The following KIF7 variants were observed in gnomAD, a reference collection of about 807,000 sequenced individuals.
KIF7 encodes kinesin-like protein KIF7.
Under a neutral mutation model 135.7 loss-of-function variants are expected in KIF7, and 104 were observed. The ratio of observed to expected loss-of-function variants is 0.77; its 90% CI spans 0.65 to 0.90. The LOEUF is 0.90. Among genes scored for constraint, KIF7 ranks in the 40% least tolerant of loss-of-function variants. The pLI is 0.00. For missense variants in KIF7, 2,005 were observed against 1,839.1 expected (o/e 1.09, Z -1.65); for synonymous variants, 883 against 809.4 (o/e 1.09, Z -1.54).
At chr15:89,624,315 A>G, downstream of KIF7, 1 of 1,614,210 alleles carries the variant, frequency 6.2e-7, no homozygotes, top group South Asian at 1.1e-5. Flanking sequence ...GTCCTTCCCC[A>G]GGAGAACTGG....
chr15:89,646,120 T>C (rs1039495710), intron 7 of KIF7, 94 bp from the exon 8 acceptor site: 7 of 1,500,044 alleles, frequency 4.7e-6, no homozygotes, highest in Admixed American at 1.7e-5. Flanking sequence ...CCTCAAGCCC[T>C]GCCTTACCTT....
At chr15:89,660,498 T>C in the KIF7 span, among the ~76,000 whole-genome samples, 1 of 152,226 alleles carries the variant, frequency 6.6e-6, no homozygotes, top group Non-Finnish European at 1.5e-5. Context: ...AATATGGAGT[T>C]GATCGCTGGA....
intron 1 of KIF7, among the ~76,000 whole-genome samples, chr15:89,622,782 T>C (rs569654766): frequency 8.5e-5 from 13 of 152,276 alleles, no homozygotes; most frequent in African/African-American, 3.1e-4. Context: ...TTGCTAGTAT[T>C]GTTTTCTATG....
chr15:89,627,225 A>AT (rs1255823136), downstream of KIF7: 4 of 1,029,442 alleles, frequency 3.9e-6, no homozygotes, highest in Non-Finnish European at 5.6e-6. Flanking sequence ...GGGTTTTCTA[A>AT]TTCCCCTTAT....
At chr15:89,624,316 G>C (rs1405411371), downstream of KIF7, 8 of 1,614,162 alleles carry the variant, frequency 5.0e-6, no homozygotes, top group Non-Finnish European at 6.8e-6. Context: ...TCCTTCCCCA[G>C]GAGAACTGGA....
rs2141995283 is a variant in KIF7, at chr15:89,630,059, ACCC to A, written c.3318+225_3318+227del. 6 of 594,912 alleles carry A rather than the reference ACCC, an allele frequency of 1.0e-5. No individual in the cohort carries two copies. In the African/African-American group the frequency reaches 1.1e-4, roughly 11 times the overall value. The allele number at this position is 594,912 out of a possible 1,614,324, so 36.9% of individuals were successfully genotyped here. A position where few individuals can be genotyped will look rare whatever the true frequency, so the allele number is the denominator to read the frequency against. ...AGAGCTACTATTGTGGCCATGGACC[ACCC>A]TGAGGTTAGCCAATCAGAGCAGAAG... is the stretch of plus-strand genomic sequence containing the variant. On this transcript the variant is annotated intron_variant, in intron 16 of 18. Transcript: ENST00000394412.
rs756506659 is a variant in KIF7 at position 89,642,213 on chromosome 15, C to A, written c.2384G>T (p.Ser795Ile). The change falls in exon 11 of 19, where the codon AGC becomes ATC. Residue 795 changes from serine (S) to isoleucine (I), a missense_variant. Coordinates refer to ENST00000394412, the MANE Select transcript of KIF7 (RefSeq NM_198525.3). ...GGCCCCGAGACTAACCTGCACCTGG[C>A]TCTGGGCCGCAGCGACCCTCCTGCG... ...EFRRRVAAAQ[S>I]QVQVLKEKKQ... The A allele has an allele frequency of 9.3e-6, 15 of 1,610,402 alleles. No individual in the cohort carries two copies. Among genetic ancestry groups the A allele is most frequent in the Non-Finnish European group, 1.2e-5 (14 of 1,179,628 alleles).
rs1964075761 is a variant in KIF7 at position 89,649,031 on chromosome 15, A to C, written c.866T>G (p.Leu289Arg). ...GCTGCCCCGGCGCTGAGGGTCCCCC[A>C]GGGCGCTGATGACGTTGCCCAGCGC... ...LLALGNVISA[L>R]GDPQRRGSHI... The change falls in exon 4 of 19, where the codon CTG becomes CGG. Residue 289 changes from leucine to arginine, a missense_variant. Physicochemically the swap from Leu to Arg is moderately radical, Grantham distance 102. Transcript: ENST00000394412. 6.5e-7 allele frequency: 1 copy of C among 1,548,262 alleles called. No individual in the cohort carries two copies. The highest frequency in any genetic ancestry group is 8.7e-7 in the Non-Finnish European group (1 of 1,146,694).
intron 2 of KIF7, 160 bp from the exon 3 acceptor site, chr15:89,650,101 C>A: frequency 1.4e-6 from 1 of 721,494 alleles, no homozygotes; most frequent in Non-Finnish European, 2.4e-6. Flanking sequence ...CTGAGCTTGG[C>A]CATGCTCCAG....
chr15:89,633,583 C>G (rs1963733000), intron 12 of KIF7, 103 bp downstream of exon 12: 1 of 1,246,768 alleles, frequency 8.0e-7, no homozygotes, highest in Admixed American at 2.0e-5. Context: ...TTTCTAAGGT[C>G]ACGTGGCTGT....
Position 89,648,487 on chromosome 15 carries a change from C to A in KIF7, c.1211G>T (p.Arg404Leu). The A allele has an allele frequency of 9.6e-7, 1 of 1,041,766 alleles. No homozygotes were observed. 64.5% of individuals were successfully genotyped at this position (1,041,766 alleles called of 1,614,324 possible). The change falls in exon 5 of 19, where the codon CGC becomes CTC. Residue 404 changes from arginine (R) to leucine (L), a missense_variant. Coordinates refer to ENST00000394412, the MANE Select transcript of KIF7 (RefSeq NM_198525.3). ...PATASAAAAM[R>L]LGAECARYRA... ...GTAGCGCGCGCACTCGGCGCCCAGGCGCATGGCGGCCGCCGCGGAGGCGGT... is the reference window on the plus strand; with the variant it reads ...GTAGCGCGCGCACTCGGCGCCCAGGAGCATGGCGGCCGCCGCGGAGGCGGT...
chr15:89,624,489 G>A (rs745769436), downstream of KIF7: 34 of 1,613,952 alleles, frequency 2.1e-5, no homozygotes, highest in Middle Eastern at 2.1e-3. Flanking sequence ...ATCCCAGAAG[G>A]AGCATCGTGG....
intron 9 of KIF7, 22 bp downstream of exon 9, chr15:89,645,314 C>G (rs1447975299): frequency 1.9e-6 from 3 of 1,608,960 alleles, no homozygotes; most frequent in Non-Finnish European, 1.7e-6. Flanking sequence ...AGGAGGCCCT[C>G]TCTGCATCCC....
chr15:89,625,909 T>A (rs1171675719), downstream of KIF7: 2 of 1,547,566 alleles, frequency 1.3e-6, no homozygotes, highest in Non-Finnish European at 1.7e-6. Flanking sequence ...CTGGGGACGC[T>A]GCTCTTACTA....
chr15:89,645,460 C>A lies in KIF7; in HGVS notation c.1923-9G>T, dbSNP rs756449391. 6.2e-7 allele frequency: 1 copy of A among 1,604,034 alleles called. No homozygotes were observed. Among genetic ancestry groups the A allele is most frequent in the South Asian group, 1.1e-5 (1 of 89,900 alleles). On this transcript the variant is annotated splice_polypyrimidine_tract_variant and intron_variant, in intron 8 of 18. Coordinates refer to ENST00000394412, the MANE Select transcript of KIF7 (RefSeq NM_198525.3). ...AGTTGCTGATCCTATTTCTGGAGGA[C>A]AGAAGCAGGAGGCCATGCTCCTCCC...
Position 89,642,293 on chromosome 15 carries a change from C to T in KIF7, c.2304G>A (p.Glu768=), listed in dbSNP as rs749953290. ...ELSEGQRQLR[E]LEGKELQDAG... is the part of the protein sequence containing the mutation. ...CATCCTGGAGCTCCTTGCCCTCGAG[C>T]TCCCGCAGCTGCCTCTGGCCTTCAC... The change falls in exon 11 of 19, where the codon GAG becomes GAA. Residue 768 remains glutamate, a synonymous_variant. Coordinates refer to ENST00000394412, the MANE Select transcript of KIF7 (RefSeq NM_198525.3). 6.2e-7 allele frequency: 1 copy of T among 1,610,000 alleles called. No homozygotes were observed. The highest frequency in any genetic ancestry group is 8.5e-7 in the Non-Finnish European group (1 of 1,179,520).
chr15:89,619,836 A>T (rs761932810), intron 1 of KIF7: 5 of 1,611,136 alleles, frequency 3.1e-6, no homozygotes, highest in Non-Finnish European at 3.4e-6. Context: ...CCAGCAAGAT[A>T]AGTCAGGTAA....
upstream of KIF7, among the ~76,000 whole-genome samples, chr15:89,655,612 G>T (rs1303741622): frequency 6.6e-6 from 1 of 152,140 alleles, no homozygotes; most frequent in Non-Finnish European, 1.5e-5. Context: ...GTGCTCAAGG[G>T]CTGGGCCTGG....
chr15:89,646,030 G>C lies in KIF7; in HGVS notation c.1789-4C>G. Reference sequence around the variant, plus strand: ...CCTCCCTGCCATTTGTCACCTGCTAGGGGAGTGAGCCATTTCCCATCCCAA... The same window carrying C: ...CCTCCCTGCCATTTGTCACCTGCTACGGGAGTGAGCCATTTCCCATCCCAA... On this transcript the variant is annotated splice_region_variant and splice_polypyrimidine_tract_variant and intron_variant, in intron 7 of 18. Transcript: ENST00000394412. 6.2e-7 allele frequency: 1 copy of C among 1,613,702 alleles called. No homozygotes were observed. The highest frequency in any genetic ancestry group is 1.1e-5 in the South Asian group (1 of 91,088).
Sources: allele counts gnomAD v4.1 joint callset (sites outside exome capture counted in the v4.1 genomes callset), GRCh38; gene constraint gnomAD v4.1.1; transcripts MANE v1.5; gene names NCBI Gene and HGNC (gene_info 2026-07-23, HGNC 2026-07-21).